CES2: variants seen among roughly 807,000 people sequenced by gnomAD.
The protein encoded by CES2 is carboxylesterase 2.
In CES2, 42 loss-of-function variants were observed where a neutral mutation model predicts 52.1. The observed-to-expected ratio is 0.81, with a 90% CI of 0.63 to 1.04. The LOEUF is 1.04. CES2 is among the 50% of genes least tolerant of loss of function. The pLI is 0.00. For missense variants in CES2, 656 were observed against 724.3 expected (o/e 0.91, Z 1.08); for synonymous variants, 277 against 289.6 (o/e 0.96, Z 0.44).
At chr16:66,941,037 G>A (rs1963351163) in intron 5 of CES2, 87 bp from the exon 6 acceptor site, 2 of 1,566,212 alleles carry the variant, frequency 1.3e-6, no homozygotes, top group African/African-American at 2.7e-5. Context: ...TGAGATTTGG[G>A]GTACCCCTGT....
chr16:66,940,074 G>A, intron 3 of CES2, 148 bp from the exon 4 acceptor site: 1 of 1,064,082 alleles, frequency 9.4e-7, no homozygotes, highest in Non-Finnish European at 1.3e-6. Context: ...TAGATCTTGG[G>A]TGCCTAACCA....
At chr16:66,941,265 G>A (rs761387416) in intron 6 of CES2, 43 bp downstream of exon 6, 2 of 1,607,062 alleles carry the variant, frequency 1.2e-6, no homozygotes, top group Non-Finnish European at 1.7e-6. Flanking sequence ...GGGTGCAATA[G>A]GCATGGGGCT....
At chr16:66,936,138 GA>G (rs992044979) in intron 1 of CES2, among the ~76,000 whole-genome samples, 12 of 152,168 alleles carry the variant, frequency 7.9e-5, no homozygotes, top group Admixed American at 1.3e-4. Flanking sequence ...GGCCAGGGGG[GA>G]TGCCCTGAGC....
At chr16:66,940,383 C>G in intron 4 of CES2, 28 bp downstream of exon 4, 1 of 1,614,070 alleles carries the variant, frequency 6.2e-7, no homozygotes, top group Non-Finnish European at 8.5e-7. Flanking sequence ...CTGGGCAACC[C>G]GGGCTGAGCG....
upstream of CES2, chr16:66,934,559 G>T: frequency 2.5e-6 from 2 of 815,724 alleles, no homozygotes; most frequent in Non-Finnish European, 3.7e-6. This position sits in a 1 kb window ranked among gnomAD's most constrained non-coding sequence, Gnocchi z 4.1. Context: ...CATGATGGTC[G>T]CTGGAGCAGA....
In CES2 at chr16:66,939,114, T is replaced by A. The variant is rs1963290272; in HGVS notation, c.282-103T>A. On this transcript the variant is annotated intron_variant, in intron 2 of 11. Transcript: ENST00000317091. Reference sequence around the variant, plus strand: ...TGAGAGGGATCATGTGTGAGCAGGATATTGTGGGAAGGGTCTGAGGGTGGC... The same window carrying A: ...TGAGAGGGATCATGTGTGAGCAGGAAATTGTGGGAAGGGTCTGAGGGTGGC... The A allele has an allele frequency of 3.3e-6, 3 of 922,134 alleles. No homozygotes were observed. In the Admixed American group the frequency reaches 5.5e-5, roughly 17 times the overall value. The allele number at this position is 922,134 out of a possible 1,614,324, so 57.1% of individuals were successfully genotyped here.
Position 66,938,119 on chromosome 16 carries a change from CG to C in CES2, c.163del (p.Val55SerfsTer14), listed in dbSNP as rs1427494538. On this transcript the variant is annotated frameshift_variant, in exon 2 of 12. Transcript: ENST00000317091. LOFTEE classifies it high-confidence loss of function. ...TTGTCCATGTGAAGGGCGCCAATGC[CG>C]GGGTCCAAACCTTCCTGGGAATTCC... ...SLVHVKGANA[G>X]VQTFLGIPFA... 1 of 1,614,032 alleles carries C rather than the reference CG, an allele frequency of 6.2e-7. No individual in the cohort carries two copies. The highest frequency in any genetic ancestry group is 8.5e-7 in the Non-Finnish European group (1 of 1,180,020).
chr16:66,944,046 G>C lies in CES2; in HGVS notation c.*21G>C. ...TGTAGCTCCCTGTGCCGGGGAGGAG[G>C]GGGTGGGTTCGCTGACAGGCGAGGG... On this transcript the variant is annotated 3_prime_UTR_variant, in exon 12 of 12. Transcript: ENST00000317091. 7.3e-7 allele frequency: 1 copy of C among 1,377,004 alleles called. No homozygotes were observed. The highest frequency in any genetic ancestry group is 9.8e-7 in the Non-Finnish European group (1 of 1,018,810). The allele number at this position is 1,377,004 out of a possible 1,614,324, so 85.3% of individuals were successfully genotyped here.
upstream of CES2, chr16:66,935,347 C>A: frequency 7.6e-7 from 1 of 1,308,624 alleles, no homozygotes; most frequent in Non-Finnish European, 1.1e-6. Flanking sequence ...GGAAGGGCTG[C>A]AGGAATGGCA....
upstream of CES2, chr16:66,935,383 A>G (rs1963173703): frequency 1.3e-6 from 2 of 1,513,698 alleles, no homozygotes; most frequent in South Asian, 2.5e-5. Flanking sequence ...ATGCCAAAGG[A>G]GCCCGGGCAA....
rs1352288347 is a variant in CES2, at chr16:66,939,337, C to A, written c.402C>A (p.Ser134Arg). The A allele has an allele frequency of 1.2e-6, 2 of 1,614,198 alleles. No individual in the cohort carries two copies. The highest frequency in any genetic ancestry group is 1.7e-6 in the Non-Finnish European group (2 of 1,180,038). ...LYLSIYTPAH[S>R]HEGSNLPVMV... ...TCAGCATCTACACGCCGGCCCATAGCCATGAAGGCTCTAACCTGCCGGTGG... is the reference window on the plus strand; with the variant it reads ...TCAGCATCTACACGCCGGCCCATAGACATGAAGGCTCTAACCTGCCGGTGG... The change falls in exon 3 of 12, where the codon AGC (serine) becomes AGA (arginine). Residue 134 changes from serine (S) to arginine (R), a missense_variant. By Grantham distance (110) the Ser-to-Arg change is moderately radical (BLOSUM62 -1). Transcript: ENST00000317091.
upstream of CES2, chr16:66,935,289 C>T (rs1963171376): frequency 4.9e-6 from 4 of 818,512 alleles, no homozygotes; most frequent in Admixed American, 7.3e-5. Context: ...GCGCGCTCAT[C>T]GGGCCTGTGG....
chr16:66,940,288 C>T lies in CES2; in HGVS notation c.490C>T (p.Leu164=). Residue 164 remains leucine, a synonymous_variant, in exon 4 of 12, where the codon CTG becomes TTG. Transcript: ENST00000317091. ...GGCTTCCTTGTATGATGGTTCCATGCTGGCTGCCTTGGAGAACGTGGTGGT... is the reference window on the plus strand; with the variant it reads ...GGCTTCCTTGTATGATGGTTCCATGTTGGCTGCCTTGGAGAACGTGGTGGT... ...GMASLYDGSM[L]AALENVVVVI... 6.2e-7 allele frequency: 1 copy of T among 1,614,100 alleles called. No homozygotes were observed. The highest frequency in any genetic ancestry group is 8.5e-7 in the Non-Finnish European group (1 of 1,180,004).
rs141988241 is a variant in CES2, at chr16:66,937,166, G to A, written c.77-871G>A. ...CATTCCAGCCTGGGCAACAGATGGC[G>A]ACCTTGTCTGACAAATATATATGTA... On this transcript the variant is annotated intron_variant, in intron 1 of 11. Coordinates refer to ENST00000317091, the MANE Select transcript of CES2 (RefSeq NM_001365405.1). Among the ~76,000 whole-genome samples the A allele has an allele frequency of 9.9e-5, 15 of 152,192 alleles. No homozygotes were observed. In the East Asian group the frequency reaches 1.2e-3, roughly 12 times the overall value.
chr16:66,940,854 C>T (rs1243949661), intron 5 of CES2, among the ~76,000 whole-genome samples, 159 bp downstream of exon 5: 1 of 152,232 alleles, frequency 6.6e-6, no homozygotes, highest in African/African-American at 2.4e-5. Context: ...TCAGAATTCA[C>T]ATCCTTCTGC....
At position 66,944,331 on chromosome 16, in the gene CES2, G is replaced by C. The variant is rs544805323; in HGVS notation, c.*306G>C. The C allele has an allele frequency of 4.1e-4, 86 of 212,100 alleles. 2 individuals are homozygous for C. The Middle Eastern group carries it at 0.014, about 35-fold the overall frequency. The allele number at this position is 212,100 out of a possible 1,614,324, so 13.1% of individuals were successfully genotyped here. On this transcript the variant is annotated 3_prime_UTR_variant, in exon 12 of 12. Transcript: ENST00000317091. ...CAAAAAAAAAAAAAAAAAAGAGAGAGTGTGTGATTAGAAGCTAAATAGGAA... is the reference window on the plus strand; with the variant it reads ...CAAAAAAAAAAAAAAAAAAGAGAGACTGTGTGATTAGAAGCTAAATAGGAA...
At chr16:66,936,355 T>C (rs1597003854) in intron 1 of CES2, among the ~76,000 whole-genome samples, 2 of 151,662 alleles carry the variant, frequency 1.3e-5, no homozygotes, top group African/African-American at 4.9e-5. Flanking sequence ...AGACTCGGAG[T>C]GTACAAAAAA....
Position 66,943,973 on chromosome 16 carries a change from C to T in CES2, c.1628C>T (p.Pro543Leu), listed in dbSNP as rs1403272973. Residue 543 changes from proline to leucine, a missense_variant, in exon 12 of 12, where the codon CCC becomes CTC. Physicochemically the swap from Pro to Leu is moderately conservative, Grantham distance 98. Coordinates refer to ENST00000317091, the MANE Select transcript of CES2 (RefSeq NM_001365405.1). The surrounding 1 kb of genome is among the most constrained non-coding windows in gnomAD (Gnocchi z 4.2). ...HRLQFWKKALPQKIQELEEPE... is the reference protein window; with the variant it reads ...HRLQFWKKALLQKIQELEEPE... ...CTCCAGTTCTGGAAGAAGGCGCTGC[C>T]CCAAAAGATCCAGGAGCTCGAGGAG... 6.3e-7 allele frequency: 1 copy of T among 1,598,254 alleles called. No individual in the cohort carries two copies. The highest frequency in any genetic ancestry group is 1.1e-5 in the South Asian group (1 of 89,330).
rs1472292966 is a variant in CES2 at position 66,940,314 on chromosome 16, G to T, written c.516G>T (p.Val172=). Residue 172 remains valine, a synonymous_variant, in exon 4 of 12, where the codon GTG becomes GTT. Coordinates refer to ENST00000317091, the MANE Select transcript of CES2 (RefSeq NM_001365405.1). ...TGGCTGCCTTGGAGAACGTGGTGGTGGTCATCATCCAGTACCGCCTGGGTG... is the reference window on the plus strand; with the variant it reads ...TGGCTGCCTTGGAGAACGTGGTGGTTGTCATCATCCAGTACCGCCTGGGTG... ...SMLAALENVV[V]VIIQYRLGVL... is the part of the protein sequence containing the mutation. 3.7e-6 allele frequency: 6 copies of T among 1,614,158 alleles called. No homozygotes were observed. The highest frequency in any genetic ancestry group is 5.1e-6 in the Non-Finnish European group (6 of 1,180,034).
Sources: gnomAD v4.1 joint callset for allele counts (sites outside exome capture counted in the v4.1 genomes callset) on GRCh38, gnomAD v4.1.1 for gene constraint, Gnocchi (gnomAD v3.1) non-coding constraint, MANE v1.5 for transcripts, NCBI Gene and HGNC (gene_info 2026-07-23, HGNC 2026-07-21) for gene names.